SLC2A10: variants seen among roughly 807,000 people sequenced by gnomAD.
The protein encoded by SLC2A10 is solute carrier family 2 member 10.
A neutral mutation model predicts 32.1 loss-of-function variants in SLC2A10; 25 were observed. That is an observed-to-expected ratio of 0.78 (90% CI 0.57 to 1.09). SLC2A10 has a LOEUF of 1.09. SLC2A10 is among the 50% of genes least tolerant of loss of function. The probability of loss-of-function intolerance (pLI) is 0.00; values close to 1 mark genes in which losing one functional copy is unlikely to be tolerated. For synonymous variants in SLC2A10, 332 were observed against 309.6 expected, an observed-to-expected ratio of 1.07 and a Z score of -0.76; for missense variants, 673 against 686.5, an observed-to-expected ratio of 0.98 and a Z score of 0.22.
In SLC2A10 at chr20:46,726,071, T is replaced by C; in HGVS notation, c.1035T>C (p.Ser345=). The C allele has an allele frequency of 6.2e-7, 1 of 1,614,236 alleles. No individual in the cohort carries two copies. Among genetic ancestry groups the C allele is most frequent in the Non-Finnish European group, 8.5e-7 (1 of 1,180,034 alleles). ...ATGQTGLPGD[S]GLLQDSSLPP... is the part of the protein sequence containing the mutation. ...GGCAGACAGGCCTCCCTGGAGACTC[T>C]GGCCTGCTGCAGGACTCCTCTCTAC... The change falls in exon 2 of 5, where the codon TCT becomes TCC. Residue 345 remains serine, a synonymous_variant. Coordinates refer to ENST00000359271, the MANE Select transcript of SLC2A10 (RefSeq NM_030777.4).
chr20:46,715,583 G>A (rs943504569), intron 1 of SLC2A10, among the ~76,000 whole-genome samples: 16 of 152,290 alleles, frequency 1.1e-4, no homozygotes, highest in African/African-American at 3.6e-4. Flanking sequence ...AGTGGCAAGG[G>A]CTCGTTTCCT....
chr20:46,714,622 A>G (rs571832471), intron 1 of SLC2A10: 10 of 152,916 alleles, frequency 6.5e-5, no homozygotes, highest in Admixed American at 5.9e-4. Flanking sequence ...GAAAGCATAC[A>G]GTATGTGCCG....
At chr20:46,727,050 A>C (rs766053195) in intron 3 of SLC2A10, 64 bp downstream of exon 3, 55 of 1,610,050 alleles carry the variant, frequency 3.4e-5, no homozygotes, top group Non-Finnish European at 4.3e-5. Context: ...CTAAAGCAGA[A>C]ATTTTTGGAT....
At chr20:46,716,131 C>A (rs545158956) in intron 1 of SLC2A10, among the ~76,000 whole-genome samples, 24 of 152,014 alleles carry the variant, frequency 1.6e-4, no homozygotes, top group Middle Eastern at 3.4e-3. Context: ...CAAGAGCCTA[C>A]CTCATAACGT....
rs6018001 is a variant in SLC2A10 at position 46,729,925 on chromosome 20, C to G, written c.1547+437C>G. Among the ~76,000 whole-genome samples, 707 of 152,182 alleles carry G rather than the reference C, an allele frequency of 4.6e-3. 3 individuals carry two copies. Among genetic ancestry groups the G allele is most frequent in the African/African-American group, 0.015 (611 of 41,508 alleles). ...GATTACAAGCGTGAGCCACCGCGCC[C>G]GGCCGGCACTATGAGTTTTGTCCGG... On this transcript the variant is annotated intron_variant, in intron 4 of 4. Coordinates refer to ENST00000359271, the MANE Select transcript of SLC2A10 (RefSeq NM_030777.4).
chr20:46,712,997 G>A (rs191344864), intron 1 of SLC2A10, among the ~76,000 whole-genome samples: 2 of 152,050 alleles, frequency 1.3e-5, no homozygotes, highest in African/African-American at 2.4e-5. Flanking sequence ...TCTGCTTCCT[G>A]TCCATGGCCA....
At chr20:46,729,585 G>C in intron 4 of SLC2A10, 97 bp downstream of exon 4, 1 of 1,342,142 alleles carries the variant, frequency 7.5e-7, no homozygotes, top group Non-Finnish European at 1.0e-6. Context: ...TTTTGCAAGC[G>C]GGCATTCCTC....
chr20:46,724,875 CGGATGGAT>C lies in SLC2A10; in HGVS notation c.5-143_5-136del, dbSNP rs3092014. ...TGAATTGATGGAGTGGATGGATGGA[CGGATGGAT>C]GGATGGATGGATGGATGGATGGTTT... is the stretch of plus-strand genomic sequence containing the variant. On this transcript the variant is annotated intron_variant, in intron 1 of 4. Coordinates refer to ENST00000359271, the MANE Select transcript of SLC2A10 (RefSeq NM_030777.4). Among the ~76,000 whole-genome samples the C allele has an allele frequency of 2.9e-5, 4 of 139,872 alleles. No individual in the cohort carries two copies. The South Asian group carries it at 7.4e-4, about 26-fold the overall frequency. 91.8% of individuals were successfully genotyped at this position (139,872 alleles called of 152,430 possible). A position where few individuals can be genotyped will look rare whatever the true frequency, so the allele number is the denominator to read the frequency against.
intron 1 of SLC2A10, among the ~76,000 whole-genome samples, chr20:46,713,987 G>A (rs150645503): frequency 1.3e-5 from 2 of 152,238 alleles, no homozygotes; most frequent in East Asian, 1.9e-4. Flanking sequence ...CCACTGAAAG[G>A]CACTAAGCAA....
intron 2 of SLC2A10, 42 bp from the exon 3 acceptor site, chr20:46,726,822 G>T: frequency 6.2e-7 from 1 of 1,613,568 alleles, no homozygotes; most frequent in Non-Finnish European, 8.5e-7. Flanking sequence ...CAGGCCCCAG[G>T]TCCCACCACA....
At chr20:46,717,226 T>A (rs1012388339) in intron 1 of SLC2A10, among the ~76,000 whole-genome samples, 5 of 150,424 alleles carry the variant, frequency 3.3e-5, no homozygotes, top group Non-Finnish European at 5.9e-5. Flanking sequence ...CGGGAAAAAA[T>A]GGAAAAAAAA....
At chr20:46,729,153 C>T (rs1320678605) in intron 3 of SLC2A10, among the ~76,000 whole-genome samples, 200 bp from the exon 4 acceptor site, 1 of 152,180 alleles carries the variant, frequency 6.6e-6, no homozygotes, top group Non-Finnish European at 1.5e-5. Flanking sequence ...GGCTCATCCC[C>T]GCCTTTGAGA....
chr20:46,708,923 A>T (rs1978741612), upstream of SLC2A10, among the ~76,000 whole-genome samples: 1 of 152,114 alleles, frequency 6.6e-6, no homozygotes, highest in Non-Finnish European at 1.5e-5. Context: ...CTCTGCTCAG[A>T]TATCCTCTTC....
chr20:46,720,667 C>A (rs1979500632), intron 1 of SLC2A10, among the ~76,000 whole-genome samples: 1 of 152,116 alleles, frequency 6.6e-6, no homozygotes, highest in Non-Finnish European at 1.5e-5. Flanking sequence ...CACAAACTGA[C>A]CCTTGTGCTC....
At chr20:46,723,298 A>G (rs1017957916) in intron 1 of SLC2A10, among the ~76,000 whole-genome samples, 9 of 152,176 alleles carry the variant, frequency 5.9e-5, no homozygotes, top group African/African-American at 2.2e-4. Context: ...AAAAAGATCT[A>G]GCCAGCTGTT....
chr20:46,724,830 TG>T (rs1979768589), intron 1 of SLC2A10, among the ~76,000 whole-genome samples: 2 of 146,934 alleles, frequency 1.4e-5, no homozygotes, highest in Non-Finnish European at 3.0e-5. Flanking sequence ...GATGGATGGA[TG>T]GATGGATGGA....
At chr20:46,726,778 T>C (rs1979987622) in intron 2 of SLC2A10, 86 bp from the exon 3 acceptor site, 6 of 1,567,608 alleles carry the variant, frequency 3.8e-6, no homozygotes, top group South Asian at 1.1e-5. Flanking sequence ...GAAAATCCCA[T>C]TGTTGAGAGG....
In SLC2A10 at chr20:46,716,795, G is replaced by A. The variant is rs544580752; in HGVS notation, c.4+7055G>A. 3.3e-5 allele frequency among the ~76,000 whole-genome samples: 5 copies of A among 152,210 alleles called. No individual in the cohort carries two copies. In the East Asian group the frequency reaches 7.7e-4, roughly 23 times the overall value. On this transcript the variant is annotated intron_variant, in intron 1 of 4. Transcript: ENST00000359271. ...CTCAGCATTTTGGGAGACTGAGGCG[G>A]GCGGATCACCAGAGGTCAGGAGTTC... is the stretch of plus-strand genomic sequence containing the variant.
In SLC2A10 at chr20:46,710,245, G is replaced by A. The variant is rs113523846; in HGVS notation, c.4+505G>A. 37 of 396,044 alleles carry A rather than the reference G, an allele frequency of 9.3e-5. 1 individual carries two copies. Among genetic ancestry groups the A allele is most frequent in the African/African-American group, 6.6e-4 (32 of 48,612 alleles). The allele number at this position is 396,044 out of a possible 1,614,324, so 24.5% of individuals were successfully genotyped here. On this transcript the variant is annotated intron_variant, in intron 1 of 4. Transcript: ENST00000359271. ...GGACAGAGAAGGAGATTCTAACACA[G>A]CATTGGGGTGGGACGCGTGGGGAAT...
Sources: allele counts gnomAD v4.1 joint callset (sites outside exome capture counted in the v4.1 genomes callset), GRCh38; gene constraint gnomAD v4.1.1; transcripts MANE v1.5; gene names NCBI Gene and HGNC (gene_info 2026-07-23, HGNC 2026-07-21).